Variants in ABHD17C observed in about 807,000 individuals in gnomAD.
The protein encoded by ABHD17C is abhydrolase domain containing 17C, depalmitoylase.
A neutral mutation model predicts 27.9 loss-of-function variants in ABHD17C; 11 were observed. That is an observed-to-expected ratio of 0.39 (90% CI 0.25 to 0.65). The LOEUF is 0.65. Ranked by LOEUF, ABHD17C falls within the 30% of genes least tolerant of loss-of-function variation. The probability of loss-of-function intolerance (pLI) is 0.45; values close to 1 mark genes in which losing one functional copy is unlikely to be tolerated. For missense variants in ABHD17C, 280 were observed against 470.2 expected (o/e 0.60, Z 3.74); for synonymous variants, 233 against 209.1 (o/e 1.11, Z -0.98).
At chr15:80,739,644 C>T (rs1895179392) in intron 1 of ABHD17C, among the ~76,000 whole-genome samples, 1 of 152,194 alleles carries the variant, frequency 6.6e-6, no homozygotes, top group African/African-American at 2.4e-5. Context: ...TCCCCCTTCA[C>T]CATCCATGAG....
At chr15:80,732,197 C>T (rs1895066305) in intron 1 of ABHD17C, among the ~76,000 whole-genome samples, 1 of 152,108 alleles carries the variant, frequency 6.6e-6, no homozygotes, top group East Asian at 1.9e-4. Context: ...GAACGGACAC[C>T]CAGAGCAGGG....
At chr15:80,701,483 A>C (rs1894570884) in intron 1 of ABHD17C, among the ~76,000 whole-genome samples, 1 of 152,034 alleles carries the variant, frequency 6.6e-6, no homozygotes, top group Non-Finnish European at 1.5e-5. Context: ...GTTTGAGACT[A>C]GCCTGGCCAA....
intron 1 of ABHD17C, among the ~76,000 whole-genome samples, chr15:80,717,695 A>C (rs1047777423): frequency 6.6e-6 from 1 of 152,202 alleles, no homozygotes; most frequent in African/African-American, 2.4e-5. Flanking sequence ...TGCAAAATGC[A>C]TTTTAACAGT....
rs143683679 is a variant in ABHD17C, at chr15:80,712,512, A to G, written c.590+16493A>G. On this transcript the variant is annotated intron_variant, in intron 1 of 2. Transcript: ENST00000258884. ...CTGCCTGGACTTCTGTATAGAAGAC[A>G]AAGCTTATTTTCTTAAGAGCAGCCT... Among the ~76,000 whole-genome samples the G allele has an allele frequency of 2.9e-3, 449 of 152,326 alleles. 1 individual carries two copies. The highest frequency in any genetic ancestry group is 4.6e-3 in the Non-Finnish European group (312 of 68,026).
chr15:80,753,009 A>T (rs1895384580), intron 2 of ABHD17C, among the ~76,000 whole-genome samples: 1 of 152,138 alleles, frequency 6.6e-6, no homozygotes, highest in South Asian at 2.1e-4. Context: ...TACAGTTTTT[A>T]TTTTTTAAAA....
chr15:80,730,482 G>A (rs1255357659), intron 1 of ABHD17C, among the ~76,000 whole-genome samples: 1 of 152,202 alleles, frequency 6.6e-6, no homozygotes. Flanking sequence ...TTTATTTCAG[G>A]ATGAAAACGC....
In ABHD17C at chr15:80,731,806, A is replaced by G. The variant is rs117185647; in HGVS notation, c.591-17707A>G. 3.7e-3 allele frequency among the ~76,000 whole-genome samples: 561 copies of G among 152,332 alleles called. 1 individual carries two copies. Among genetic ancestry groups the G allele is most frequent in the Admixed American group, 7.1e-3 (108 of 15,302 alleles). Reference sequence around the variant, plus strand: ...GAATTTTCCTTGGTACTTATGTAATAAGAAAATGATGAGCATGAGCCAGAT... The same window carrying G: ...GAATTTTCCTTGGTACTTATGTAATGAGAAAATGATGAGCATGAGCCAGAT... On this transcript the variant is annotated intron_variant, in intron 1 of 2. Transcript: ENST00000258884.
rs1448061786 is a variant in ABHD17C, at chr15:80,726,513, T to G, written c.591-23000T>G. Among the ~76,000 whole-genome samples, 197 of 138,442 alleles carry G rather than the reference T, an allele frequency of 1.4e-3. 6 individuals carry two copies. The highest frequency in any genetic ancestry group is 2.7e-3 in the Non-Finnish European group (176 of 65,336). The allele number at this position is 138,442 out of a possible 152,430, so 90.8% of individuals were successfully genotyped here. A position where few individuals can be genotyped will look rare whatever the true frequency, so the allele number is the denominator to read the frequency against. On this transcript the variant is annotated intron_variant, in intron 1 of 2. Transcript: ENST00000258884. Reference sequence around the variant, plus strand: ...GCTTCTTTTTCTGGTTTTTTTTTTTTTTTTTTTTTTTTTTTTGAGACGGAG... The same window carrying G: ...GCTTCTTTTTCTGGTTTTTTTTTTTGTTTTTTTTTTTTTTTTGAGACGGAG...
At position 80,695,771 on chromosome 15, in the gene ABHD17C, G is replaced by C. The variant is rs1215136237; in HGVS notation, c.342G>C (p.Thr114=). ...LDAVEVFFSR[T]ARDNRLGCMF... The stretch of plus-strand genomic sequence containing the variant: ...CCGTCGAGGTCTTCTTCTCGCGCAC[G>C]GCCCGGGACAACCGGCTCGGCTGCA... The change falls in exon 1 of 3, where the codon ACG becomes ACC. Residue 114 remains threonine (T), a synonymous_variant. Transcript: ENST00000258884. The surrounding 1 kb of genome is among the most constrained non-coding windows in gnomAD (Gnocchi z 4.3). 6.5e-6 allele frequency: 10 copies of C among 1,543,014 alleles called. No homozygotes were observed. Among genetic ancestry groups the C allele is most frequent in the African/African-American group, 1.4e-5 (1 of 73,468 alleles).
At chr15:80,744,092 C>G (rs1232034170) in intron 1 of ABHD17C, among the ~76,000 whole-genome samples, 3 of 152,074 alleles carry the variant, frequency 2.0e-5, no homozygotes, top group Admixed American at 6.6e-5. Flanking sequence ...AAACTTAATT[C>G]ATTGTCTCTT....
At chr15:80,713,682 G>A (rs1326356844) in intron 1 of ABHD17C, among the ~76,000 whole-genome samples, 6 of 151,974 alleles carry the variant, frequency 3.9e-5, no homozygotes, top group East Asian at 1.9e-4. Flanking sequence ...GGTGGCAGGC[G>A]CCTGTAATCC....
intron 1 of ABHD17C, among the ~76,000 whole-genome samples, chr15:80,700,334 G>A (rs1293242362): frequency 6.6e-6 from 1 of 152,200 alleles, no homozygotes; most frequent in African/African-American, 2.4e-5. Flanking sequence ...TGGAGGAACA[G>A]GAGAGTGGGA....
intron 1 of ABHD17C, chr15:80,704,475 G>A (rs990673788): frequency 8.5e-5 from 12 of 140,938 alleles, no homozygotes; most frequent in South Asian, 4.8e-4. Context: ...GCTGCATGGC[G>A]CGTGTGTAAC....
chr15:80,732,831 G>C (rs1895075670), intron 1 of ABHD17C, among the ~76,000 whole-genome samples: 1 of 152,214 alleles, frequency 6.6e-6, no homozygotes. Flanking sequence ...TGCTGAGCCA[G>C]AGCTGATGGA....
At chr15:80,700,512 A>C (rs1402210159) in intron 1 of ABHD17C, among the ~76,000 whole-genome samples, 2 of 152,220 alleles carry the variant, frequency 1.3e-5, no homozygotes, top group East Asian at 1.9e-4. Context: ...TGCAGAGGGA[A>C]GAAGATAAAT....
intron 1 of ABHD17C, among the ~76,000 whole-genome samples, chr15:80,743,011 T>TGGGGGGGGGGGGGGGGGGGG (rs1895231400): frequency 7.2e-6 from 1 of 137,950 alleles, no homozygotes; most frequent in African/African-American, 2.7e-5. Flanking sequence ...GAGGGTGGGG[T>TGGGGGGGGGGGGGGGGGGGG]GGTGGGGAAA....
At chr15:80,746,403 C>T (rs1219374568) in intron 1 of ABHD17C, among the ~76,000 whole-genome samples, 5 of 151,852 alleles carry the variant, frequency 3.3e-5, no homozygotes, top group South Asian at 2.1e-4. Flanking sequence ...TTCTGATGAC[C>T]GGAAGTTCTT....
intron 1 of ABHD17C, among the ~76,000 whole-genome samples, chr15:80,740,559 T>TG (rs1895195728): frequency 6.6e-6 from 1 of 152,104 alleles, no homozygotes; most frequent in Admixed American, 6.5e-5. Flanking sequence ...GGGCTGAAGA[T>TG]GATGGACTGT....
intron 1 of ABHD17C, among the ~76,000 whole-genome samples, chr15:80,702,181 G>A (rs1894582528): frequency 6.6e-6 from 1 of 152,156 alleles, no homozygotes. Flanking sequence ...TAGAGGCTCA[G>A]TCTTCTCTAA....
Sources: allele counts gnomAD v4.1 joint callset (sites outside exome capture counted in the v4.1 genomes callset), GRCh38; gene constraint gnomAD v4.1.1; non-coding constraint Gnocchi (gnomAD v3.1); transcripts MANE v1.5; gene names NCBI Gene and HGNC (gene_info 2026-07-23, HGNC 2026-07-21).